TMEM156: variants seen among roughly 807,000 people sequenced by gnomAD.
TMEM156 encodes transmembrane protein 156.
TMEM156 carries 28 observed loss-of-function variants against 30.5 expected under a neutral mutation model. The observed-to-expected ratio is 0.92, with a 90% CI of 0.68 to 1.26. TMEM156 has a LOEUF of 1.26. Ranked by LOEUF, TMEM156 falls within the 50% of genes most tolerant of loss-of-function variation. The probability of loss-of-function intolerance (pLI) is 0.00; values close to 1 mark genes in which losing one functional copy is unlikely to be tolerated. For missense variants in TMEM156, 351 were observed against 340.6 expected, an observed-to-expected ratio of 1.03 and a Z score of -0.24; for synonymous variants, 137 against 119.9, an observed-to-expected ratio of 1.14 and a Z score of -0.93.
intron 1 of TMEM156, among the ~76,000 whole-genome samples, chr4:39,016,581 A>G (rs1714500966): frequency 6.6e-6 from 1 of 152,202 alleles, no homozygotes; most frequent in South Asian, 2.1e-4. Context: ...AAGTTTAAAC[A>G]GATAGTATTT....
intron 1 of TMEM156, among the ~76,000 whole-genome samples, chr4:39,011,698 G>A (rs954025204): frequency 3.3e-5 from 5 of 152,102 alleles, no homozygotes; most frequent in African/African-American, 4.8e-5. Flanking sequence ...GCTTAAACCC[G>A]GGAGGCGGAG....
chr4:39,001,214 C>CAAAAAAAAAAAA (rs34945666), intron 1 of TMEM156, among the ~76,000 whole-genome samples: 4 of 115,076 alleles, frequency 3.5e-5, no homozygotes, highest in African/African-American at 1.1e-4. Context: ...ACTAAAAATA[C>CAAAAAAAAAAAA]AAAAAAAAAA....
chr4:38,977,394 G>A (rs1217931488), intron 5 of TMEM156, among the ~76,000 whole-genome samples: 1 of 152,126 alleles, frequency 6.6e-6, no homozygotes, highest in Non-Finnish European at 1.5e-5. Context: ...TCAAAATGAT[G>A]GCTAGTCTAA....
chr4:39,012,542 A>C (rs148096401), intron 1 of TMEM156, among the ~76,000 whole-genome samples: 1 of 152,346 alleles, frequency 6.6e-6, no homozygotes, highest in East Asian at 1.9e-4. Context: ...GCGGTGGCTC[A>C]CACCTGTAAT....
intron 1 of TMEM156, among the ~76,000 whole-genome samples, chr4:39,004,666 A>T (rs1162013858): frequency 6.6e-6 from 1 of 152,184 alleles, no homozygotes; most frequent in South Asian, 2.1e-4. Context: ...TGGTATTTTT[A>T]TGAATGAATA....
chr4:39,020,178 A>G (rs1714766513), intron 1 of TMEM156, among the ~76,000 whole-genome samples: 1 of 152,222 alleles, frequency 6.6e-6, no homozygotes, highest in African/African-American at 2.4e-5. Context: ...GTGTATATGT[A>G]CCACGTTTTC....
At chr4:38,997,880 C>A (rs1395396269) in intron 2 of TMEM156, among the ~76,000 whole-genome samples, 1 of 152,090 alleles carries the variant, frequency 6.6e-6, no homozygotes, top group Non-Finnish European at 1.5e-5. Flanking sequence ...AAGGCCCTGC[C>A]CTCAAGAAGC....
intron 1 of TMEM156, among the ~76,000 whole-genome samples, chr4:39,023,057 G>A (rs1286940277): frequency 6.6e-6 from 1 of 152,158 alleles, no homozygotes; most frequent in Non-Finnish European, 1.5e-5. Context: ...TCTGTGGGAG[G>A]TAATTAGGTC....
At chr4:38,999,447 A>G (rs1338143157) in intron 1 of TMEM156, among the ~76,000 whole-genome samples, 2 of 149,438 alleles carry the variant, frequency 1.3e-5, no homozygotes, top group African/African-American at 2.4e-5. Flanking sequence ...GGAATTTTTT[A>G]TGGACAAACC....
intron 5 of TMEM156, among the ~76,000 whole-genome samples, chr4:38,976,890 T>TTTGTTGTTG (rs61299459): frequency 0.037 from 5,588 of 151,300 alleles, 209 homozygotes; most frequent in South Asian, 0.21. Context: ...ACATTGTTCT[T>TTTGTTGTTG]TTGTTGTTGT....
intron 1 of TMEM156, among the ~76,000 whole-genome samples, chr4:39,014,170 T>C (rs1026384109): frequency 6.6e-6 from 1 of 152,228 alleles, no homozygotes; most frequent in Non-Finnish European, 1.5e-5. Context: ...CATAGTTTAC[T>C]GACCCCTGAA....
rs578092602 is a variant in TMEM156, at chr4:38,966,993, G to C, written c.*687C>G. ...ATTTTTGTGTTTTTAGTAGAGACAGGGTTTCACCATGTTGGCCAGGATGGT... is the reference window on the plus strand; with the variant it reads ...ATTTTTGTGTTTTTAGTAGAGACAGCGTTTCACCATGTTGGCCAGGATGGT... On this transcript the variant is annotated 3_prime_UTR_variant, in exon 7 of 7. Coordinates refer to ENST00000381938, the MANE Select transcript of TMEM156 (RefSeq NM_024943.3). The C allele has an allele frequency of 6.6e-6, 1 of 151,700 alleles. No homozygotes were observed. The highest frequency in any genetic ancestry group is 2.1e-4 in the South Asian group (1 of 4,798). The allele number at this position is 151,700 out of a possible 1,614,324, so 9.4% of individuals were successfully genotyped here.
At chr4:39,009,145 G>C (rs1300469524) in intron 1 of TMEM156, among the ~76,000 whole-genome samples, 1 of 151,984 alleles carries the variant, frequency 6.6e-6, no homozygotes, top group Non-Finnish European at 1.5e-5. Context: ...AGAAAATCTA[G>C]AGGAAAATGG....
intron 3 of TMEM156, among the ~76,000 whole-genome samples, chr4:38,990,096 G>A (rs1439575093): frequency 4.6e-5 from 7 of 152,144 alleles, no homozygotes; most frequent in African/African-American, 1.7e-4. Flanking sequence ...CACCTGGCCT[G>A]TCTACTGACT....
intron 3 of TMEM156, among the ~76,000 whole-genome samples, chr4:38,993,514 A>T (rs1214770181): frequency 6.6e-6 from 1 of 152,114 alleles, no homozygotes; most frequent in African/African-American, 2.4e-5. Flanking sequence ...TCAAATCGTG[A>T]CCCATAAATG....
chr4:39,011,324 TG>T (rs1291826325), intron 1 of TMEM156, among the ~76,000 whole-genome samples: 2 of 152,246 alleles, frequency 1.3e-5, no homozygotes, highest in African/African-American at 2.4e-5. Context: ...TCAGGCCCTG[TG>T]GAAAGCAGTT....
intron 1 of TMEM156, among the ~76,000 whole-genome samples, chr4:39,022,150 T>C (rs1480371018): frequency 6.6e-6 from 1 of 152,216 alleles, no homozygotes; most frequent in Admixed American, 6.5e-5. Context: ...TGACTTTAAC[T>C]ACATTCCTGG....
chr4:38,972,766 C>A (rs1722668744), intron 5 of TMEM156, among the ~76,000 whole-genome samples: 1 of 152,162 alleles, frequency 6.6e-6, no homozygotes, highest in African/African-American at 2.4e-5. Flanking sequence ...TATCCTTCAC[C>A]ATTTGCCTCC....
chr4:39,012,533 C>T (rs751487783), intron 1 of TMEM156, among the ~76,000 whole-genome samples: 1 of 152,154 alleles, frequency 6.6e-6, no homozygotes, highest in Non-Finnish European at 1.5e-5. Flanking sequence ...AGGTCGGGTG[C>T]GGTGGCTCAC....
Sources: allele counts gnomAD v4.1 joint callset (sites outside exome capture counted in the v4.1 genomes callset), GRCh38; gene constraint gnomAD v4.1.1; transcripts MANE v1.5; gene names NCBI Gene and HGNC (gene_info 2026-07-23, HGNC 2026-07-21).